Variants in USP40 observed in about 807,000 individuals in gnomAD.
USP40 encodes the protein ubiquitin specific peptidase 40.
In USP40, 143 loss-of-function variants were observed where a neutral mutation model predicts 166.2. The observed-to-expected ratio is 0.86, with a 90% confidence interval of 0.75 to 0.99. The LOEUF (loss-of-function observed/expected upper bound fraction) is 0.99, where lower values mean the gene tolerates loss of function less well. Among genes scored for constraint, USP40 ranks in the 50% least tolerant of loss-of-function variants. The pLI is 0.00. For missense variants in USP40, 1,444 were observed against 1,479.7 expected (o/e 0.98, Z 0.40); for synonymous variants, 498 against 524.0 (o/e 0.95, Z 0.68).
chr2:233,493,653 T>G lies in USP40; in HGVS notation c.2791-102A>C. Reference sequence around the variant, plus strand: ...ACACCTTGATGACCTAAGATGTTCTTGAACTTATCATTTTTCCTTTTAGAT... The same window carrying G: ...ACACCTTGATGACCTAAGATGTTCTGGAACTTATCATTTTTCCTTTTAGAT... On this transcript the variant is annotated intron_variant, in intron 24 of 31. Coordinates refer to ENST00000678225, the MANE Select transcript of USP40 (RefSeq NM_001365479.2). The surrounding 1 kb of genome is among the most constrained non-coding windows in gnomAD (Gnocchi z 4.7). The G allele has an allele frequency of 7.8e-7, 1 of 1,279,128 alleles. No individual in the cohort carries two copies. The highest frequency in any genetic ancestry group is 2.1e-5 in the South Asian group (1 of 48,448). 79.2% of individuals were successfully genotyped at this position (1,279,128 alleles called of 1,614,324 possible).
At chr2:233,533,067 T>C (rs560779852) in intron 11 of USP40, among the ~76,000 whole-genome samples, 230 of 151,174 alleles carry the variant, frequency 1.5e-3, no homozygotes, top group African/African-American at 5.4e-3. Flanking sequence ...AAGGAGAAGA[T>C]ATAAAAGAAT....
intron 8 of USP40, chr2:233,545,360 GTCC>G (rs2069815458): frequency 6.6e-6 from 1 of 152,278 alleles, no homozygotes; most frequent in Non-Finnish European, 1.5e-5. Flanking sequence ...GCTGGGCCCA[GTCC>G]TCCTCCACTC....
At chr2:233,510,202 T>C in intron 20 of USP40, 67 bp from the exon 21 acceptor site, 2 of 1,277,938 alleles carry the variant, frequency 1.6e-6, no homozygotes, top group East Asian at 2.5e-5. Flanking sequence ...ATGTATTATT[T>C]ACTTTCAAAA....
intron 30 of USP40, among the ~76,000 whole-genome samples, chr2:233,484,138 A>G (rs1210511316): frequency 8.5e-5 from 13 of 152,240 alleles, no homozygotes; most frequent in Admixed American, 8.5e-4. Context: ...AGCCTGGGCA[A>G]CAGAGCGAGA....
chr2:233,496,320 C>T (rs2125093835), intron 24 of USP40, among the ~76,000 whole-genome samples: 1 of 152,324 alleles, frequency 6.6e-6, no homozygotes, highest in Admixed American at 6.5e-5. Context: ...CTGCATAGAA[C>T]ATCAAGGCTT....
intron 30 of USP40, among the ~76,000 whole-genome samples, chr2:233,484,881 G>C (rs763006910): frequency 6.6e-6 from 1 of 152,156 alleles, no homozygotes; most frequent in Non-Finnish European, 1.5e-5. Context: ...AGTGAGGGAG[G>C]GAATTCATTG....
At chr2:233,499,971 G>C in intron 21 of USP40, 56 bp from the exon 22 acceptor site, 1 of 1,524,954 alleles carries the variant, frequency 6.6e-7, no homozygotes. Flanking sequence ...TACAGTTCTA[G>C]GACAAACACC....
At chr2:233,558,840 C>T (rs543068689) in intron 4 of USP40, among the ~76,000 whole-genome samples, 8 of 152,220 alleles carry the variant, frequency 5.3e-5, no homozygotes, top group African/African-American at 1.7e-4. Flanking sequence ...AATACCAGCC[C>T]TACACCAGAA....
chr2:233,525,559 A>C lies in USP40; in HGVS notation c.1729T>G (p.Leu577Val). The change falls in exon 14 of 32, where the codon TTA (leucine) becomes GTA (valine). Residue 577 changes from leucine to valine, a missense_variant. Coordinates refer to ENST00000678225, the MANE Select transcript of USP40 (RefSeq NM_001365479.2). ...GDLRQSIFQL[L>V]EFWEGDMVLS... ...ACCATGTCTCCTTCCCAAAATTCTA[A>C]CAGCTGAAGAATATTAATGAAGGAA... is the stretch of plus-strand genomic sequence containing the variant. The C allele has an allele frequency of 6.2e-7, 1 of 1,610,708 alleles. No homozygotes were observed. The highest frequency in any genetic ancestry group is 1.3e-5 in the African/African-American group (1 of 74,976).
chr2:233,562,796 T>TA lies in USP40; in HGVS notation c.206dup (p.Phe70IlefsTer12). On this transcript the variant is annotated frameshift_variant, in exon 3 of 32. Coordinates refer to ENST00000678225, the MANE Select transcript of USP40 (RefSeq NM_001365479.2). LOFTEE classifies it high-confidence loss of function. ...CAAGCTCTTCTGGGCCAAGAGAAAA[T>TA]AGAGCTTCTAAAGAAAAAGGTAGAA... The TA allele has an allele frequency of 6.5e-7, 1 of 1,532,416 alleles. No individual in the cohort carries two copies. Among genetic ancestry groups the TA allele is most frequent in the South Asian group, 1.2e-5 (1 of 80,188 alleles). 94.9% of individuals were successfully genotyped at this position (1,532,416 alleles called of 1,614,324 possible).
chr2:233,519,736 G>A, intron 17 of USP40, 65 bp from the exon 18 acceptor site: 1 of 885,198 alleles, frequency 1.1e-6, no homozygotes. Context: ...AATGAGGATT[G>A]TCACTGTGTG....
rs138726865 is a variant in USP40 at position 233,537,541 on chromosome 2, A to G, written c.1170+3121T>C. On this transcript the variant is annotated intron_variant, in intron 10 of 31. Coordinates refer to ENST00000678225, the MANE Select transcript of USP40 (RefSeq NM_001365479.2). ...ATTGTCAAACTGCTGAAAACCAAAG[A>G]TAAAAAGAAAATCTTAAAAGTAGAC... is the stretch of plus-strand genomic sequence containing the variant. Among the ~76,000 whole-genome samples, 978 of 152,350 alleles carry G rather than the reference A, an allele frequency of 6.4e-3. 4 individuals are homozygous for G. The highest frequency in any genetic ancestry group is 0.022 in the African/African-American group (924 of 41,590).
chr2:233,520,965 C>T (rs527285148), intron 17 of USP40, 26 bp downstream of exon 17: 1 of 1,589,506 alleles, frequency 6.3e-7, no homozygotes, highest in South Asian at 1.1e-5. Context: ...AATCTATCAG[C>T]CAACCTTTAA....
chr2:233,499,950 T>C, intron 21 of USP40, 35 bp from the exon 22 acceptor site: 2 of 1,597,826 alleles, frequency 1.3e-6, no homozygotes, highest in Non-Finnish European at 1.7e-6. Context: ...GTTAGTTTTC[T>C]GTTTCTGAGT....
At chr2:233,517,047 T>C (rs2067246506) in intron 18 of USP40, among the ~76,000 whole-genome samples, 1 of 152,228 alleles carries the variant, frequency 6.6e-6, no homozygotes, top group Non-Finnish European at 1.5e-5. Flanking sequence ...AAATGTTTTC[T>C]TAATTTTGAT....
rs369955085 is a variant in USP40 at position 233,527,491 on chromosome 2, T to G, written c.1641A>C (p.Pro547=). ...ACACGCTTTCTGTTTGAGAGACTAC[T>G]GGGTGCAGAGCCCCATTGAAGAAAT... ...QYHFFNGALH[P]VVSQTESVWD... is the part of the protein sequence containing the mutation. Residue 547 remains proline (P), a synonymous_variant, in exon 13 of 32, where the codon CCA becomes CCC. Transcript: ENST00000678225. 151 of 1,613,828 alleles carry G rather than the reference T, an allele frequency of 9.4e-5. No individual in the cohort carries two copies. In the South Asian group the frequency reaches 9.9e-4, roughly 11 times the overall value.
intron 2 of USP40, among the ~76,000 whole-genome samples, chr2:233,565,036 TCAAA>T (rs1004369632): frequency 1.3e-5 from 2 of 152,206 alleles, no homozygotes; most frequent in Non-Finnish European, 2.9e-5. Context: ...ATCTTAAAAC[TCAAA>T]CAGTGTAACA....
At chr2:233,512,321 C>T (rs1425942659) in intron 19 of USP40, 1 of 275,750 alleles carries the variant, frequency 3.6e-6, no homozygotes, top group Non-Finnish European at 6.7e-6. Flanking sequence ...AAAAATATAA[C>T]TAGATCAAAC....
intron 23 of USP40, 83 bp downstream of exon 23, chr2:233,498,464 TC>T: frequency 8.1e-7 from 1 of 1,230,176 alleles, no homozygotes. Context: ...ATTAAAGCTT[TC>T]TCATGAGTGG....
Sources: allele counts gnomAD v4.1 joint callset (sites outside exome capture counted in the v4.1 genomes callset), GRCh38; gene constraint gnomAD v4.1.1; non-coding constraint Gnocchi (gnomAD v3.1); transcripts MANE v1.5; gene names NCBI Gene and HGNC (gene_info 2026-07-23, HGNC 2026-07-21).